LINGO2: variants seen among roughly 807,000 people sequenced by gnomAD.
LINGO2 encodes the protein leucine-rich repeat and immunoglobulin-like domain-containing nogo receptor-interacting protein 2.
Under a neutral mutation model 30.6 loss-of-function variants are expected in LINGO2, and 14 were observed. The observed-to-expected ratio is 0.46, with a 90% CI of 0.30 to 0.72. The LOEUF (loss-of-function observed/expected upper bound fraction) is 0.72. LINGO2 is among the 30% of genes least tolerant of loss of function. LINGO2 has a pLI of 0.07. For missense variants in LINGO2, 729 were observed against 751.7 expected, an observed-to-expected ratio of 0.97 and a Z score of 0.35; for synonymous variants, 317 against 288.5, an observed-to-expected ratio of 1.10 and a Z score of -1.00.
intron 4 of LINGO2, among the ~76,000 whole-genome samples, chr9:28,073,851 C>T (rs1825550333): frequency 6.6e-6 from 1 of 152,154 alleles, no homozygotes; most frequent in Admixed American, 6.5e-5. Context: ...AATATAGCCA[C>T]ACCACTCTCT....
chr9:28,284,264 G>C (rs1174512653), intron 4 of LINGO2, among the ~76,000 whole-genome samples: 2 of 152,058 alleles, frequency 1.3e-5, no homozygotes, highest in Non-Finnish European at 2.9e-5. Context: ...CTGATGTTGG[G>C]TGAACTCACT....
chr9:28,154,130 G>A (rs1250743930), intron 4 of LINGO2, among the ~76,000 whole-genome samples: 1 of 152,150 alleles, frequency 6.6e-6, no homozygotes, highest in South Asian at 2.1e-4. Context: ...TCTAGCTGAG[G>A]AGACTATCTT....
chr9:29,156,212 C>G, the LINGO2 span, among the ~76,000 whole-genome samples: 9 of 152,056 alleles, frequency 5.9e-5, no homozygotes, highest in Admixed American at 5.9e-4. Flanking sequence ...AAAACCACAA[C>G]ACAGCCCTTG....
chr9:28,568,611 A>C (rs1427455159), intron 1 of LINGO2, among the ~76,000 whole-genome samples: 1 of 152,090 alleles, frequency 6.6e-6, no homozygotes, highest in Admixed American at 6.6e-5. Context: ...AAGACTTGTC[A>C]CATATAAGAA....
At chr9:29,149,600 G>A in the LINGO2 span, among the ~76,000 whole-genome samples, 1 of 151,930 alleles carries the variant, frequency 6.6e-6, no homozygotes, top group Non-Finnish European at 1.5e-5. Context: ...ACAGCTCCTA[G>A]GGAAGAGGTG....
chr9:28,140,686 C>T lies in LINGO2; in HGVS notation c.-86-128281G>A, dbSNP rs561210767. ...CCATAGATGGAGTTATCACTACCACCTGGATTTTCCCATGGCATTTTGTAC... is the reference window on the plus strand; with the variant it reads ...CCATAGATGGAGTTATCACTACCACTTGGATTTTCCCATGGCATTTTGTAC... On this transcript the variant is annotated intron_variant, in intron 4 of 5. Coordinates refer to ENST00000379992, the Ensembl canonical transcript of LINGO2. 2.6e-5 allele frequency among the ~76,000 whole-genome samples: 4 copies of T among 152,268 alleles called. No homozygotes were observed. In the South Asian group the frequency reaches 8.3e-4, roughly 32 times the overall value.
chr9:29,111,818 AAGATAT>A, the LINGO2 span, among the ~76,000 whole-genome samples: 3 of 117,592 alleles, frequency 2.6e-5, no homozygotes, highest in African/African-American at 6.5e-5. Context: ...TTCAGATTTA[AAGATAT>A]ATATATATAT....
chr9:28,645,006 T>C (rs997846682), intron 1 of LINGO2, among the ~76,000 whole-genome samples: 6 of 152,080 alleles, frequency 3.9e-5, no homozygotes, highest in African/African-American at 1.2e-4. Context: ...AATTTGAAGA[T>C]GATATGCATT....
chr9:28,712,105 T>C, the LINGO2 span, among the ~76,000 whole-genome samples: 4 of 152,088 alleles, frequency 2.6e-5, no homozygotes, highest in African/African-American at 9.7e-5. Flanking sequence ...AAAATGTAAA[T>C]ATGTAAAAGC....
At chr9:29,052,001 T>C in the LINGO2 span, among the ~76,000 whole-genome samples, 3 of 152,198 alleles carry the variant, frequency 2.0e-5, no homozygotes, top group African/African-American at 2.4e-5. Flanking sequence ...TCATTCCAAA[T>C]ATTTGGTTGA....
Position 28,257,148 on chromosome 9 carries a change from G to A in LINGO2, c.-87+38060C>T, listed in dbSNP as rs1822409135. On this transcript the variant is annotated intron_variant, in intron 4 of 5. Coordinates refer to ENST00000379992, the Ensembl canonical transcript of LINGO2. Reference sequence around the variant, plus strand: ...TTATTATTTTTATGGAAATATTTATGTTATTATCTTTGAACAGTTTATTGG... The same window carrying A: ...TTATTATTTTTATGGAAATATTTATATTATTATCTTTGAACAGTTTATTGG... Among the ~76,000 whole-genome samples the A allele has an allele frequency of 2.7e-5, 4 of 150,714 alleles. No individual in the cohort carries two copies. The South Asian group carries it at 8.3e-4, about 31-fold the overall frequency.
the LINGO2 span, among the ~76,000 whole-genome samples, chr9:29,111,822 TATA>T: frequency 1.1e-5 from 1 of 94,926 alleles, no homozygotes; most frequent in Non-Finnish European, 2.4e-5. Flanking sequence ...GATTTAAAGA[TATA>T]TATATATATA....
intron 3 of LINGO2, among the ~76,000 whole-genome samples, chr9:28,334,964 G>A (rs1825542920): frequency 6.6e-6 from 1 of 152,158 alleles, no homozygotes; most frequent in African/African-American, 2.4e-5. Context: ...TTCCCTGCTA[G>A]GCCAGTGAGA....
chr9:28,917,891 C>T, the LINGO2 span, among the ~76,000 whole-genome samples: 2 of 151,820 alleles, frequency 1.3e-5, no homozygotes, highest in African/African-American at 4.8e-5. Context: ...GTCATTAATA[C>T]GAAGTCCAGC....
intron 2 of LINGO2, among the ~76,000 whole-genome samples, chr9:28,381,096 G>T (rs572429746): frequency 1.3e-5 from 2 of 152,012 alleles, no homozygotes; most frequent in African/African-American, 2.4e-5. Flanking sequence ...CTTCAGAAAA[G>T]GATCCTTGAC....
the LINGO2 span, among the ~76,000 whole-genome samples, chr9:28,937,253 G>T: frequency 6.6e-5 from 10 of 152,098 alleles, no homozygotes; most frequent in Non-Finnish European, 1.5e-4. Flanking sequence ...AGATGAAAGT[G>T]TATCTAAATA....
intron 1 of LINGO2, among the ~76,000 whole-genome samples, chr9:28,477,139 A>G (rs1825760941): frequency 6.6e-6 from 1 of 152,212 alleles, no homozygotes; most frequent in South Asian, 2.1e-4. Context: ...AAATAATTAG[A>G]ATGTCAATCA....
At chr9:29,103,811 T>C in the LINGO2 span, among the ~76,000 whole-genome samples, 1 of 152,130 alleles carries the variant, frequency 6.6e-6, no homozygotes, top group Non-Finnish European at 1.5e-5. Context: ...ATGGCCATAA[T>C]GAAGACAATA....
intron 1 of LINGO2, among the ~76,000 whole-genome samples, chr9:28,492,293 G>C (rs10491887): frequency 0.027 from 4,165 of 152,060 alleles, 212 homozygotes; most frequent in East Asian, 0.19. Flanking sequence ...TCAATGTCTT[G>C]GGGGAAAAAT....
Sources: allele counts gnomAD v4.1 joint callset (sites outside exome capture counted in the v4.1 genomes callset), GRCh38; gene constraint gnomAD v4.1.1; transcripts MANE v1.5; gene names NCBI Gene and HGNC (gene_info 2026-07-23, HGNC 2026-07-21).